The following PATJ variants were observed in gnomAD, a reference collection of about 807,000 sequenced individuals.
PATJ encodes the protein PATJ crumbs cell polarity complex component.
PATJ carries 190 observed loss-of-function variants against 224.9 expected under a neutral mutation model. The ratio of observed to expected loss-of-function variants is 0.84; its 90% CI spans 0.75 to 0.95. The LOEUF (loss-of-function observed/expected upper bound fraction) is 0.95. PATJ is among the 40% of genes least tolerant of loss of function. The pLI, the probability that PATJ is intolerant of heterozygous loss-of-function variation, is 0.00. For missense variants in PATJ, 2,121 were observed against 2,270.3 expected (o/e 0.93, Z 1.34); for synonymous variants, 769 against 820.3 (o/e 0.94, Z 1.07).
At chr1:62,137,864 G>T (rs1667113331) in intron 41 of PATJ, among the ~76,000 whole-genome samples, 1 of 151,858 alleles carries the variant, frequency 6.6e-6, no homozygotes, top group African/African-American at 2.4e-5. Context: ...CTCAGGTGGG[G>T]GGATCTCCTC....
intron 26 of PATJ, among the ~76,000 whole-genome samples, chr1:61,925,935 A>G (rs1300863155): frequency 6.6e-6 from 1 of 152,248 alleles, no homozygotes; most frequent in South Asian, 2.1e-4. Context: ...GATCTTTTCT[A>G]TAGGACTAAA....
At chr1:61,846,172 T>A (rs1203308746) in intron 17 of PATJ, 1 of 152,222 alleles carries the variant, frequency 6.6e-6, no homozygotes, top group East Asian at 1.9e-4. Flanking sequence ...GAAAAGAAGT[T>A]ATTACTATGA....
chr1:62,034,214 G>A (rs779469195), intron 29 of PATJ, among the ~76,000 whole-genome samples: 3 of 152,022 alleles, frequency 2.0e-5, no homozygotes, highest in South Asian at 2.1e-4. Context: ...AGGCCAAGGC[G>A]GGCAGATCAC....
At position 61,791,331 on chromosome 1, in the gene PATJ, T is replaced by A. The variant is rs1445814031; in HGVS notation, c.1069-17T>A. On this transcript the variant is annotated splice_polypyrimidine_tract_variant and intron_variant, in intron 8 of 43. Transcript: ENST00000642238. ...TGCCACTAAGCATATATAATTAAAT[T>A]TGTTTTTTCCTTTTAGGACAGTTCT... is the stretch of plus-strand genomic sequence containing the variant. 6.8e-7 allele frequency: 1 copy of A among 1,467,716 alleles called. No homozygotes were observed. Among genetic ancestry groups the A allele is most frequent in the Admixed American group, 1.7e-5 (1 of 59,254 alleles). The allele number at this position is 1,467,716 out of a possible 1,614,324, so 90.9% of individuals were successfully genotyped here.
At chr1:62,116,037 A>G (rs982897320) in intron 35 of PATJ, among the ~76,000 whole-genome samples, 1 of 152,214 alleles carries the variant, frequency 6.6e-6, no homozygotes, top group African/African-American at 2.4e-5. Flanking sequence ...ACACATGCGT[A>G]TACCTGGTGC....
rs1663637733 is a variant in PATJ, at chr1:61,856,225, T to C, written c.2308T>C (p.Cys770Arg). ...ACCAGGCCTAGTACACCTTGGCATCTGTAAGCCTTTGGTGGTAAGTGTTGT... is the reference window on the plus strand; with the variant it reads ...ACCAGGCCTAGTACACCTTGGCATCCGTAAGCCTTTGGTGGTAAGTGTTGT... ...VPPGLVHLGICKPLVEDNEEE... is the reference protein window; with the variant it reads ...VPPGLVHLGIRKPLVEDNEEE... Residue 770 changes from cysteine (C) to arginine (R), a missense_variant, in exon 18 of 44, where the codon TGT becomes CGT. Physicochemically the swap from Cys to Arg is radical, Grantham distance 180. Coordinates refer to ENST00000642238, the MANE Select transcript of PATJ (RefSeq NM_001350145.3). 6.2e-7 allele frequency: 1 copy of C among 1,613,360 alleles called. No individual in the cohort carries two copies. The highest frequency in any genetic ancestry group is 1.3e-5 in the African/African-American group (1 of 74,934).
chr1:61,842,592 T>G (rs1661279377), intron 17 of PATJ, among the ~76,000 whole-genome samples: 2 of 151,910 alleles, frequency 1.3e-5, no homozygotes, highest in Admixed American at 6.6e-5. Flanking sequence ...AATATTAGTG[T>G]TTTTGGAATG....
chr1:62,013,037 C>G (rs1229158783), intron 28 of PATJ, among the ~76,000 whole-genome samples: 1 of 152,256 alleles, frequency 6.6e-6, no homozygotes, highest in African/African-American at 2.4e-5. Context: ...CGTATTGGCA[C>G]TGGAAAAAAC....
At chr1:62,077,624 A>G (rs538378565) in intron 31 of PATJ, among the ~76,000 whole-genome samples, 19 of 148,860 alleles carry the variant, frequency 1.3e-4, no homozygotes, top group Admixed American at 2.7e-4. Flanking sequence ...CAGGACATCA[A>G]GGCTTCAGTG....
intron 14 of PATJ, among the ~76,000 whole-genome samples, chr1:61,811,763 T>TA (rs201887752): frequency 1.0e-3 from 142 of 139,472 alleles, no homozygotes; most frequent in Middle Eastern, 7.1e-3. Flanking sequence ...ATTCCCAAAG[T>TA]AAAAAAAAAA....
At chr1:61,952,280 A>AGAGAG (rs34366135) in intron 27 of PATJ, 8,674 of 456,612 alleles carry the variant, frequency 0.019, 81 homozygotes, top group African/African-American at 0.027. Context: ...GAGAGAGAGA[A>AGAGAG]AAATAGGCCC....
chr1:61,885,919 T>C (rs1050040863), intron 22 of PATJ, among the ~76,000 whole-genome samples: 3 of 147,840 alleles, frequency 2.0e-5, no homozygotes, highest in African/African-American at 7.5e-5. Flanking sequence ...CAGTAAACTA[T>C]CGCAAGGAGA....
intron 22 of PATJ, among the ~76,000 whole-genome samples, chr1:61,889,308 G>T (rs566026735): frequency 9.7e-4 from 148 of 152,302 alleles, no homozygotes; most frequent in Admixed American, 1.8e-3. Flanking sequence ...ACCTTAGGAG[G>T]TAGGACTGGT....
At chr1:62,089,439 C>T (rs1465121775) in intron 33 of PATJ, among the ~76,000 whole-genome samples, 1 of 151,704 alleles carries the variant, frequency 6.6e-6, no homozygotes, top group East Asian at 1.9e-4. Context: ...TATAGTTCTG[C>T]CTTTTCAGAC....
chr1:62,143,884 G>A (rs2149007904), intron 41 of PATJ, among the ~76,000 whole-genome samples: 1 of 152,274 alleles, frequency 6.6e-6, no homozygotes, highest in African/African-American at 2.4e-5. Context: ...CAAAGAGATG[G>A]AGAAACAGGC....
At chr1:62,052,697 A>T (rs188153606) in intron 31 of PATJ, among the ~76,000 whole-genome samples, 1 of 151,988 alleles carries the variant, frequency 6.6e-6, no homozygotes, top group East Asian at 1.9e-4. Flanking sequence ...GTGAGCCAAG[A>T]TCACGCCATT....
At chr1:61,869,137 C>T (rs547796901) in intron 20 of PATJ, among the ~76,000 whole-genome samples, 43 of 138,426 alleles carry the variant, frequency 3.1e-4, no homozygotes, top group South Asian at 2.0e-3. Context: ...GACGGAGTCT[C>T]GCTCTGTCGC....
intron 21 of PATJ, among the ~76,000 whole-genome samples, chr1:61,878,239 G>C (rs1027445556): frequency 2.3e-4 from 35 of 152,132 alleles, no homozygotes; most frequent in African/African-American, 8.5e-4. Context: ...TTCCTCCTCA[G>C]TGTCCTCAGT....
chr1:62,028,164 G>A (rs1309291159), intron 29 of PATJ, among the ~76,000 whole-genome samples: 1 of 152,034 alleles, frequency 6.6e-6, no homozygotes, highest in Non-Finnish European at 1.5e-5. Context: ...TTTCATATAT[G>A]GTATAAAGGA....
Sources: gnomAD v4.1 joint callset for allele counts (sites outside exome capture counted in the v4.1 genomes callset) on GRCh38, gnomAD v4.1.1 for gene constraint, MANE v1.5 for transcripts, NCBI Gene and HGNC (gene_info 2026-07-23, HGNC 2026-07-21) for gene names.